ZNF782: variants seen among roughly 807,000 people sequenced by gnomAD.
ZNF782 encodes zinc finger protein 782.
A neutral mutation model predicts 13.0 loss-of-function variants in ZNF782; 12 were observed. That is an observed-to-expected ratio of 0.92 (90% confidence interval 0.59 to 1.50). The LOEUF is 1.50. Among genes scored for constraint, ZNF782 ranks in the 40% most tolerant of loss-of-function variants. ZNF782 has a pLI of 0.00. For synonymous variants in ZNF782, 284 were observed against 283.0 expected (o/e 1.00, Z -0.04); for missense variants, 770 against 822.9 (o/e 0.94, Z 0.79).
At chr9:96,858,818 C>T (rs916928720), upstream of ZNF782, among the ~76,000 whole-genome samples, 22 of 152,312 alleles carry the variant, frequency 1.4e-4, no homozygotes, top group African/African-American at 5.3e-4. This position sits in a 1 kb window ranked among gnomAD's most constrained non-coding sequence, Gnocchi z 4.4. Context: ...CTGTGCTCCC[C>T]ACAGGAATAG....
chr9:96,916,493 A>G, the ZNF782 span, among the ~76,000 whole-genome samples: 6 of 113,260 alleles, frequency 5.3e-5, no homozygotes, highest in South Asian at 3.5e-4. Context: ...TGTCTCTGGG[A>G]AAAAAAAAAA....
the ZNF782 span, chr9:96,890,086 C>T: frequency 6.6e-6 from 1 of 152,260 alleles, no homozygotes; most frequent in Admixed American, 6.5e-5. Flanking sequence ...CTCCACATCC[C>T]GAGGCAGGCG....
chr9:96,825,543 A>G (rs1185496950), intron 5 of ZNF782, among the ~76,000 whole-genome samples: 1 of 150,766 alleles, frequency 6.6e-6, no homozygotes, highest in Non-Finnish European at 1.5e-5. Context: ...AACAAAAGCC[A>G]AAATTGACAA....
the ZNF782 span, chr9:96,890,655 G>A: frequency 6.6e-6 from 1 of 152,198 alleles, no homozygotes; most frequent in Non-Finnish European, 1.5e-5. Flanking sequence ...CAATGCAAAT[G>A]GGCAGTAACT....
intron 4 of ZNF782, among the ~76,000 whole-genome samples, chr9:96,834,273 T>C (rs562511997): frequency 6.6e-6 from 1 of 152,352 alleles, no homozygotes; most frequent in Non-Finnish European, 1.5e-5. Flanking sequence ...GATGGTTTTA[T>C]AATGGGCTTC....
chr9:96,826,806 A>T (rs750822159), intron 5 of ZNF782, among the ~76,000 whole-genome samples: 11 of 152,154 alleles, frequency 7.2e-5, no homozygotes, highest in Non-Finnish European at 1.5e-4. Context: ...AGCCCACAAT[A>T]AAAACCCTGG....
At chr9:96,889,547 G>A in the ZNF782 span, 1 of 152,128 alleles carries the variant, frequency 6.6e-6, no homozygotes, top group African/African-American at 2.4e-5. Flanking sequence ...TTACAGGCAT[G>A]CGCCACCACG....
rs148965359 is a variant in ZNF782 at position 96,819,322 on chromosome 9, T to C, written c.701A>G (p.Asn234Ser). Residue 234 changes from asparagine to serine, a missense_variant, in exon 6 of 6, where the codon AAC becomes AGC. Asn to Ser is a conservative substitution (Grantham distance 46). Coordinates refer to ENST00000481138, the MANE Select transcript of ZNF782 (RefSeq NM_001001662.3). ...FLEKAALVTS[N>S]STHPKGKSYN... Reference sequence around the variant, plus strand: ...AGATTTTCCTTTTGGGTGGGTACTGTTAGATGTAACAAGGGCAGCCTTTTC... The same window carrying C: ...AGATTTTCCTTTTGGGTGGGTACTGCTAGATGTAACAAGGGCAGCCTTTTC... The C allele has an allele frequency of 7.7e-5, 124 of 1,608,782 alleles. 1 individual carries two copies. In the Admixed American group the frequency reaches 1.9e-3, roughly 25 times the overall value.
chr9:96,821,943 C>A (rs574847447), intron 5 of ZNF782, among the ~76,000 whole-genome samples: 2 of 152,206 alleles, frequency 1.3e-5, no homozygotes, highest in African/African-American at 2.4e-5. Context: ...GGATTACAGG[C>A]GTAAGCCACC....
the ZNF782 span, chr9:96,898,065 CTT>C: frequency 6.7e-6 from 1 of 149,532 alleles, no homozygotes; most frequent in Admixed American, 6.6e-5. Flanking sequence ...CTGATTATCT[CTT>C]TCTTTCCTTT....
intron 5 of ZNF782, among the ~76,000 whole-genome samples, chr9:96,826,415 G>A (rs1252893107): frequency 6.7e-6 from 1 of 150,280 alleles, no homozygotes; most frequent in Non-Finnish European, 1.5e-5. Context: ...TGGGGGAGGG[G>A]GAAGGGATAG....
At chr9:96,825,158 C>T (rs1211215004) in intron 5 of ZNF782, among the ~76,000 whole-genome samples, 1 of 152,162 alleles carries the variant, frequency 6.6e-6, no homozygotes, top group African/African-American at 2.4e-5. Flanking sequence ...TCAAACCATA[C>T]TACAAGGCTA....
intron 1 of ZNF782, among the ~76,000 whole-genome samples, chr9:96,867,271 G>C (rs1008037822): frequency 1.3e-5 from 2 of 152,142 alleles, no homozygotes; most frequent in Non-Finnish European, 2.9e-5. Context: ...TGCTGTTCTT[G>C]TGATAGTGAA....
chr9:96,862,562 G>A (rs1381866169), intron 1 of ZNF782, among the ~76,000 whole-genome samples: 1 of 152,138 alleles, frequency 6.6e-6, no homozygotes, highest in African/African-American at 2.4e-5. Context: ...ATATTTACAA[G>A]TGAAGCGAGG....
intron 4 of ZNF782, among the ~76,000 whole-genome samples, chr9:96,835,638 T>G (rs2118593074): frequency 6.6e-6 from 1 of 152,324 alleles, no homozygotes; most frequent in East Asian, 1.9e-4. Context: ...TGCATAAGCC[T>G]TACATCCCCT....
At chr9:96,909,866 G>A in the ZNF782 span, among the ~76,000 whole-genome samples, 3 of 151,586 alleles carry the variant, frequency 2.0e-5, 1 homozygote, top group Non-Finnish European at 4.4e-5. Flanking sequence ...ATATGTCTTA[G>A]AGGGAGAAAA....
At chr9:96,888,573 T>C in the ZNF782 span, 2 of 152,318 alleles carry the variant, frequency 1.3e-5, no homozygotes, top group Admixed American at 6.5e-5. Flanking sequence ...TTATGAGAAA[T>C]GTCATTTGCA....
upstream of ZNF782, among the ~76,000 whole-genome samples, chr9:96,877,200 ATAAATT>A (rs1200240679): frequency 7.2e-5 from 11 of 152,264 alleles, no homozygotes; most frequent in African/African-American, 2.6e-4. Context: ...CCGTGAGATG[ATAAATT>A]TAAATAGTGG....
At chr9:96,856,764 G>A (rs1255781438), upstream of ZNF782, among the ~76,000 whole-genome samples, 2 of 152,116 alleles carry the variant, frequency 1.3e-5, no homozygotes, top group Non-Finnish European at 2.9e-5. Flanking sequence ...GAATCCCAGG[G>A]ATACATAGAC....
Sources: allele counts gnomAD v4.1 joint callset (sites outside exome capture counted in the v4.1 genomes callset), GRCh38; gene constraint gnomAD v4.1.1; non-coding constraint Gnocchi (gnomAD v3.1); transcripts MANE v1.5; gene names NCBI Gene and HGNC (gene_info 2026-07-23, HGNC 2026-07-21).